TEX9: variants seen among roughly 807,000 people sequenced by gnomAD.
TEX9 encodes the protein testis expressed 9.
In TEX9, 74 loss-of-function variants were observed where a neutral mutation model predicts 59.6. The observed-to-expected ratio is 1.24, with a 90% confidence interval of 1.03 to 1.51. The LOEUF is 1.51. Among genes scored for constraint, TEX9 ranks in the 40% most tolerant of loss-of-function variants. The probability of loss-of-function intolerance (pLI) is 0.00; values close to 1 mark genes in which losing one functional copy is unlikely to be tolerated. For missense variants in TEX9, 522 were observed against 447.8 expected, an observed-to-expected ratio of 1.17 and a Z score of -1.49; for synonymous variants, 186 against 152.2, an observed-to-expected ratio of 1.22 and a Z score of -1.64.
chr15:56,449,185 T>C (rs2050930014), downstream of TEX9, among the ~76,000 whole-genome samples: 1 of 152,196 alleles, frequency 6.6e-6, no homozygotes, highest in African/African-American at 2.4e-5. Flanking sequence ...GATTAGTATG[T>C]ATAATACAAA....
the TEX9 span, among the ~76,000 whole-genome samples, chr15:56,451,983 A>C: frequency 2.8e-4 from 42 of 152,318 alleles, no homozygotes; most frequent in Non-Finnish European, 4.4e-4. Flanking sequence ...ATTCTGATAC[A>C]ACATTTCATC....
At chr15:56,256,911 A>AT (rs201717758) in intron 1 of TEX9, among the ~76,000 whole-genome samples, 47 of 150,770 alleles carry the variant, frequency 3.1e-4, no homozygotes, top group African/African-American at 1.1e-3. Flanking sequence ...TTCATTACTT[A>AT]TTTTTTTTTG....
intron 11 of TEX9, 47 bp downstream of exon 11, chr15:56,427,786 T>C: frequency 5.8e-6 from 8 of 1,381,222 alleles, no homozygotes; most frequent in Non-Finnish European, 7.6e-6. Context: ...TGTAACTTTC[T>C]TACTAAAAAA....
intron 1 of TEX9, among the ~76,000 whole-genome samples, chr15:56,274,941 CTGTGT>C (rs1265135025): frequency 6.6e-6 from 1 of 152,148 alleles, no homozygotes; most frequent in Non-Finnish European, 1.5e-5. Context: ...TTAGCCTTCC[CTGTGT>C]TCCTGAGTTT....
At chr15:56,361,839 G>A (rs1172519104), upstream of TEX9, among the ~76,000 whole-genome samples, 5 of 152,180 alleles carry the variant, frequency 3.3e-5, no homozygotes, top group Non-Finnish European at 7.4e-5. Context: ...ATGCCAAGAA[G>A]TGACAGCCAC....
chr15:56,436,526 C>T (rs1286357511), intron 12 of TEX9, among the ~76,000 whole-genome samples: 1 of 152,026 alleles, frequency 6.6e-6, no homozygotes, highest in Non-Finnish European at 1.5e-5. Flanking sequence ...AATTGACACC[C>T]TAACATCACA....
chr15:56,270,145 G>A (rs961003801), intron 1 of TEX9, among the ~76,000 whole-genome samples: 4 of 152,192 alleles, frequency 2.6e-5, no homozygotes, highest in East Asian at 1.9e-4. Flanking sequence ...GGAGAGTTCT[G>A]TAGATGCCTA....
At chr15:56,460,009 A>AAAAAAAAAAAAAAAAAAAAAT in the TEX9 span, among the ~76,000 whole-genome samples, 2 of 26,388 alleles carry the variant, frequency 7.6e-5, 1 homozygote, top group African/African-American at 3.0e-4. Context: ...AAAAAAAAAA[A>AAAAAAAAAAAAAAAAAAAAAT]ATACATATAT....
At chr15:56,366,627 G>T (rs918159182) in intron 2 of TEX9, among the ~76,000 whole-genome samples, 7 of 152,086 alleles carry the variant, frequency 4.6e-5, no homozygotes, top group African/African-American at 1.7e-4. Context: ...AAGGGCAGAG[G>T]CGATGTCTGT....
intron 1 of TEX9, among the ~76,000 whole-genome samples, chr15:56,318,020 A>G (rs1436970025): frequency 5.9e-5 from 9 of 152,076 alleles, no homozygotes; most frequent in African/African-American, 2.2e-4. Context: ...CATTTTTCAA[A>G]TCTTCTGCTT....
chr15:56,433,312 C>T (rs1418117732), intron 12 of TEX9, among the ~76,000 whole-genome samples: 6 of 151,904 alleles, frequency 3.9e-5, no homozygotes, highest in Middle Eastern at 3.2e-3. Context: ...CTAATGCATG[C>T]AGGGCTTAAA....
rs565469644 is a variant in TEX9 at position 56,298,409 on chromosome 15, T to C, written c.-107+54131T>C. ...TCTAAATTGTATACTAGCTTTTAAA[T>C]AGCTTAGTATTCAGGTTTCTTTGAT... On this transcript the variant is annotated intron_variant, in intron 1 of 5. Coordinates refer to the TEX9 transcript ENST00000560827. Among the ~76,000 whole-genome samples the C allele has an allele frequency of 6.6e-5, 10 of 152,322 alleles. No individual in the cohort carries two copies. In the South Asian group the frequency reaches 2.1e-3, roughly 32 times the overall value.
intron 1 of TEX9, among the ~76,000 whole-genome samples, chr15:56,308,509 T>C (rs551373397): frequency 4.1e-4 from 63 of 152,292 alleles, no homozygotes; most frequent in African/African-American, 1.5e-3. Flanking sequence ...TTGTGGGTTG[T>C]CTTTTCACTT....
chr15:56,265,656 A>G (rs1567066732), intron 1 of TEX9, among the ~76,000 whole-genome samples: 1 of 152,154 alleles, frequency 6.6e-6, no homozygotes, highest in African/African-American at 2.4e-5. Flanking sequence ...AAATTTCCAA[A>G]TAGGATTTTT....
At chr15:56,263,015 T>C (rs1330875202) in intron 1 of TEX9, among the ~76,000 whole-genome samples, 10 of 152,122 alleles carry the variant, frequency 6.6e-5, no homozygotes, top group African/African-American at 2.4e-4. Flanking sequence ...ACAACACACG[T>C]GGCTGTTTTT....
At chr15:56,260,901 G>A (rs2044250975) in intron 1 of TEX9, among the ~76,000 whole-genome samples, 1 of 151,816 alleles carries the variant, frequency 6.6e-6, no homozygotes, top group South Asian at 2.1e-4. Flanking sequence ...GTTTTAAATT[G>A]TAGATAGAAT....
intron 1 of TEX9, among the ~76,000 whole-genome samples, chr15:56,343,977 C>T (rs980236435): frequency 5.3e-5 from 8 of 152,160 alleles, no homozygotes; most frequent in Non-Finnish European, 1.0e-4. Context: ...GATACCACTT[C>T]ACACCCATGA....
rs5812832 is a variant in TEX9, at chr15:56,278,803, G to GTT, written c.-107+34535_-107+34536dup. Reference sequence around the variant, plus strand: ...CAACCTCAGCTACCAAGAGATCCACGTTTTTTTTTTTCCTCACCCACTCAG... The same window carrying GTT: ...CAACCTCAGCTACCAAGAGATCCACGTTTTTTTTTTTTTCCTCACCCACTCAG... On this transcript the variant is annotated intron_variant, in intron 1 of 5. Coordinates refer to the TEX9 transcript ENST00000560827. 6.7e-4 allele frequency among the ~76,000 whole-genome samples: 100 copies of GTT among 148,314 alleles called. No homozygotes were observed. In the South Asian group the frequency reaches 8.7e-3, roughly 13 times the overall value.
intron 1 of TEX9, among the ~76,000 whole-genome samples, chr15:56,276,051 G>GAT (rs2044660134): frequency 6.6e-6 from 1 of 151,706 alleles, no homozygotes; most frequent in African/African-American, 2.4e-5. Context: ...TCTTTTGTCT[G>GAT]TTTTTACAAT....
Sources: allele counts gnomAD v4.1 joint callset (sites outside exome capture counted in the v4.1 genomes callset), GRCh38; gene constraint gnomAD v4.1.1; transcripts MANE v1.5; gene names NCBI Gene and HGNC (gene_info 2026-07-23, HGNC 2026-07-21).